NNT: variants seen among roughly 807,000 people sequenced by gnomAD.
The protein encoded by NNT is nicotinamide nucleotide transhydrogenase, also known as NAD(P) transhydrogenase, mitochondrial.
Under a neutral mutation model 104.8 loss-of-function variants are expected in NNT, and 50 were observed. That is an observed-to-expected ratio of 0.48 (90% CI 0.38 to 0.60). NNT has a LOEUF of 0.60. Ranked by LOEUF, NNT falls within the 20% of genes least tolerant of loss-of-function variation. The pLI is 0.00. For synonymous variants in NNT, 461 were observed against 490.4 expected, an observed-to-expected ratio of 0.94 and a Z score of 0.79; for missense variants, 1,131 against 1,330.7, an observed-to-expected ratio of 0.85 and a Z score of 2.33.
chr5:43,615,962 A>C lies in NNT; in HGVS notation c.496A>C (p.Lys166Gln), dbSNP rs1381496051. Residue 166 changes from lysine to glutamine, a missense_variant, in exon 4 of 22, where the codon AAA becomes CAA. Transcript: ENST00000344920. ...YPAQNPELLN[K>Q]LSQRKTTVLA... is the part of the protein sequence containing the mutation. ...AGCCCAAAATCCAGAGTTGCTAAAT[A>C]AACTTTCCCAAAGAAAAACTACAGT... 6.2e-7 allele frequency: 1 copy of C among 1,614,228 alleles called. No individual in the cohort carries two copies. Among genetic ancestry groups the C allele is most frequent in the East Asian group, 2.2e-5 (1 of 44,880 alleles).
In NNT at chr5:43,656,078, G is replaced by A. The variant is rs1452717463; in HGVS notation, c.2293+5G>A. On this transcript the variant is annotated splice_donor_5th_base_variant and intron_variant, in intron 15 of 21. Transcript: ENST00000344920. ...TTGCCTATGGAAAATTGCAGGGTAA[G>A]TGATTCAGCATAACATAGAGGTAAA... 1.2e-6 allele frequency: 2 copies of A among 1,606,500 alleles called. No homozygotes were observed. Among genetic ancestry groups the A allele is most frequent in the Non-Finnish European group, 1.7e-6 (2 of 1,173,226 alleles).
intron 11 of NNT, 99 bp downstream of exon 11, chr5:43,649,407 G>A: frequency 7.2e-7 from 1 of 1,396,370 alleles, no homozygotes; most frequent in Non-Finnish European, 9.9e-7. Flanking sequence ...TTTTCAAGTT[G>A]TTTTGCTTGG....
intron 7 of NNT, among the ~76,000 whole-genome samples, chr5:43,635,378 G>A (rs1231113824): frequency 3.9e-5 from 6 of 152,176 alleles, no homozygotes; most frequent in African/African-American, 9.7e-5. Flanking sequence ...GGGAAAGTGG[G>A]ATGGAGGAGT....
intron 20 of NNT, among the ~76,000 whole-genome samples, chr5:43,700,741 C>T (rs987080160): frequency 3.9e-5 from 6 of 152,182 alleles, no homozygotes; most frequent in African/African-American, 1.2e-4. Context: ...AGGTGCTGTA[C>T]GTTATAGCTG....
intron 4 of NNT, among the ~76,000 whole-genome samples, chr5:43,617,980 C>T (rs1561266198): frequency 6.6e-6 from 1 of 152,036 alleles, no homozygotes; most frequent in African/African-American, 2.4e-5. Flanking sequence ...TTCTTGTCAC[C>T]TAGCAGGGGA....
rs1743110049 is a variant in NNT, at chr5:43,706,970, T to C, written c.*2566T>C. The C allele has an allele frequency of 6.6e-6, 1 of 152,100 alleles. No individual in the cohort carries two copies. The highest frequency in any genetic ancestry group is 1.5e-5 in the Non-Finnish European group (1 of 68,086). 9.4% of individuals were successfully genotyped at this position (152,100 alleles called of 1,614,324 possible). On this transcript the variant is annotated 3_prime_UTR_variant, in exon 22 of 22. Coordinates refer to ENST00000344920, the MANE Select transcript of NNT (RefSeq NM_182977.3). ...GAACACCACACACCAGGGCCTGTCATGGGGTGGGGGGAGTGGGGAGGGATA... is the reference window on the plus strand; with the variant it reads ...GAACACCACACACCAGGGCCTGTCACGGGGTGGGGGGAGTGGGGAGGGATA...
intron 19 of NNT, among the ~76,000 whole-genome samples, chr5:43,687,494 G>A (rs1230630196): frequency 2.6e-5 from 4 of 152,020 alleles, no homozygotes; most frequent in Non-Finnish European, 5.9e-5. Context: ...ACATACTTTG[G>A]GGATTAGCCT....
chr5:43,623,525 T>C (rs1256935345), intron 5 of NNT, among the ~76,000 whole-genome samples: 3 of 152,212 alleles, frequency 2.0e-5, no homozygotes, highest in Non-Finnish European at 4.4e-5. Context: ...CAGCTGTTCC[T>C]TTCAGAAGCA....
chr5:43,620,050 C>G (rs1420949938), intron 5 of NNT, among the ~76,000 whole-genome samples: 1 of 152,120 alleles, frequency 6.6e-6, no homozygotes. Context: ...ACTCCCATGA[C>G]CCAAACACCT....
chr5:43,690,709 G>A (rs1342544645), intron 19 of NNT, among the ~76,000 whole-genome samples: 2 of 151,864 alleles, frequency 1.3e-5, no homozygotes, highest in African/African-American at 4.8e-5. Context: ...ATAAAAGGCT[G>A]TCCCAGCTTC....
intron 17 of NNT, among the ~76,000 whole-genome samples, chr5:43,666,197 A>T (rs1561304240): frequency 6.6e-6 from 1 of 152,102 alleles, no homozygotes. Context: ...GGGTGGTGGC[A>T]GGGCAGAGGC....
intron 7 of NNT, among the ~76,000 whole-genome samples, chr5:43,635,135 A>G (rs182704512): frequency 1.3e-3 from 201 of 152,296 alleles, no homozygotes; most frequent in African/African-American, 4.5e-3. Context: ...AGTATTAGTT[A>G]GGGTGGTCTA....
At chr5:43,676,677 G>A (rs558027936) in intron 18 of NNT, among the ~76,000 whole-genome samples, 77 of 152,214 alleles carry the variant, frequency 5.1e-4, no homozygotes, top group African/African-American at 1.9e-3. Context: ...GGAGTGTAAA[G>A]GTGTAAAGAT....
rs768562835 is a variant in NNT at position 43,655,889 on chromosome 5, T to A, written c.2109T>A (p.Val703=). The A allele has an allele frequency of 1.2e-6, 2 of 1,614,252 alleles. No homozygotes were observed. Among genetic ancestry groups the A allele is most frequent in the Non-Finnish European group, 1.7e-6 (2 of 1,180,038 alleles). ...AGATTTCTGATTTACCTCAATTAGTTGCTGCTTTTCACAGTTTAGTGGGTT... is the reference window on the plus strand; with the variant it reads ...AGATTTCTGATTTACCTCAATTAGTAGCTGCTTTTCACAGTTTAGTGGGTT... ...RIQISDLPQL[V]AAFHSLVGLA... is the part of the protein sequence containing the mutation. The change falls in exon 15 of 22, where the codon GTT becomes GTA. Residue 703 remains valine (V), a synonymous_variant. Transcript: ENST00000344920.
chr5:43,694,232 T>C (rs2112213849), intron 19 of NNT, among the ~76,000 whole-genome samples: 1 of 152,310 alleles, frequency 6.6e-6, no homozygotes, highest in East Asian at 1.9e-4. Flanking sequence ...CAGACAGGGA[T>C]GGTTTGACTT....
chr5:43,688,093 G>A (rs1194154330), intron 19 of NNT, among the ~76,000 whole-genome samples: 1 of 152,180 alleles, frequency 6.6e-6, no homozygotes, highest in African/African-American at 2.4e-5. Flanking sequence ...AGGCAGAATA[G>A]TGGCCTTCCA....
chr5:43,603,019 A>G, upstream of NNT: 1 of 151,370 alleles, frequency 6.6e-6, no homozygotes, highest in Non-Finnish European at 1.5e-5. Context: ...CTAGCCTTTG[A>G]GCTCAAAGGG....
intron 16 of NNT, among the ~76,000 whole-genome samples, chr5:43,658,027 C>G (rs1043698324): frequency 2.0e-5 from 3 of 151,760 alleles, no homozygotes; most frequent in Admixed American, 2.0e-4. Flanking sequence ...CCCAGCTGCT[C>G]GGGAGACTGA....
At chr5:43,637,325 C>A (rs569683927) in intron 7 of NNT, among the ~76,000 whole-genome samples, 1 of 152,276 alleles carries the variant, frequency 6.6e-6, no homozygotes, top group African/African-American at 2.4e-5. Flanking sequence ...ATTTCTTATT[C>A]TCACATGCAT....
Sources: allele counts gnomAD v4.1 joint callset (sites outside exome capture counted in the v4.1 genomes callset), GRCh38; gene constraint gnomAD v4.1.1; transcripts MANE v1.5; gene names NCBI Gene and HGNC (gene_info 2026-07-23, HGNC 2026-07-21).